Variants in ZNF730 observed in about 807,000 individuals in gnomAD.
ZNF730 encodes the protein zinc finger protein 730, also known as putative zinc finger protein 730.
Under a neutral mutation model 12.6 loss-of-function variants are expected in ZNF730, and 12 were observed. That is an observed-to-expected ratio of 0.95 (90% CI 0.61 to 1.54). ZNF730 has a LOEUF of 1.54. Among genes scored for constraint, ZNF730 ranks in the 40% most tolerant of loss-of-function variants. The pLI is 0.00. For missense variants in ZNF730, 643 were observed against 583.5 expected (o/e 1.10, Z -1.05); for synonymous variants, 194 against 195.8 (o/e 0.99, Z 0.08).
At chr19:23,080,622 G>T (rs538466252) in intron 1 of ZNF730, among the ~76,000 whole-genome samples, 19 of 151,974 alleles carry the variant, frequency 1.3e-4, no homozygotes, top group African/African-American at 4.6e-4. Context: ...TGATCCACCT[G>T]CCTCGGCCTC....
intron 1 of ZNF730, among the ~76,000 whole-genome samples, chr19:23,096,203 T>C (rs1300159797): frequency 2.0e-5 from 3 of 151,868 alleles, no homozygotes; most frequent in Admixed American, 6.6e-5. Flanking sequence ...CAAGGTACCG[T>C]GACATTGCTG....
chr19:23,107,607 G>T (rs1424391259), intron 1 of ZNF730, among the ~76,000 whole-genome samples: 1 of 151,646 alleles, frequency 6.6e-6, no homozygotes, highest in Non-Finnish European at 1.5e-5. Flanking sequence ...GGGATTACAG[G>T]CAGTGTATTA....
intron 1 of ZNF730, among the ~76,000 whole-genome samples, chr19:23,087,346 T>C (rs1220713868): frequency 3.9e-5 from 6 of 151,960 alleles, no homozygotes; most frequent in Non-Finnish European, 7.4e-5. Context: ...AGGCAGAGGT[T>C]GCAGTGAGTC....
chr19:23,101,971 GACT>G (rs1456810575), intron 1 of ZNF730, among the ~76,000 whole-genome samples: 1 of 152,150 alleles, frequency 6.6e-6, no homozygotes, highest in Non-Finnish European at 1.5e-5. Flanking sequence ...CAGGTTATGT[GACT>G]ACTTTTTTGC....
intron 3 of ZNF730, among the ~76,000 whole-genome samples, chr19:23,142,061 A>AAC (rs1970929707): frequency 6.6e-6 from 1 of 152,174 alleles, no homozygotes; most frequent in Non-Finnish European, 1.5e-5. Flanking sequence ...CACAGAAACA[A>AAC]ACACACACAC....
chr19:23,102,061 C>T (rs1284373398), intron 1 of ZNF730, among the ~76,000 whole-genome samples: 1 of 152,174 alleles, frequency 6.6e-6, no homozygotes, highest in African/African-American at 2.4e-5. Context: ...CTCCCTGGGC[C>T]TTGTCTACAG....
intron 1 of ZNF730, among the ~76,000 whole-genome samples, chr19:23,124,245 C>G (rs2145619365): frequency 6.6e-6 from 1 of 152,298 alleles, no homozygotes; most frequent in Non-Finnish European, 1.5e-5. Context: ...GCTGCATGTT[C>G]TACATTCTGT....
At chr19:23,113,778 G>A (rs59186246), upstream of ZNF730, among the ~76,000 whole-genome samples, 2,293 of 152,158 alleles carry the variant, frequency 0.015, 58 homozygotes, top group African/African-American at 0.052. Context: ...CCATAGTTCT[G>A]CTATTTCACA....
At chr19:23,132,961 C>T (rs751009028) in intron 1 of ZNF730, among the ~76,000 whole-genome samples, 12 of 151,510 alleles carry the variant, frequency 7.9e-5, no homozygotes, top group Non-Finnish European at 1.6e-4. Context: ...TGGAGGGCCA[C>T]TATTACAACA....
chr19:23,142,565 G>A (rs1046927573), intron 3 of ZNF730, among the ~76,000 whole-genome samples: 1 of 151,582 alleles, frequency 6.6e-6, no homozygotes, highest in Non-Finnish European at 1.5e-5. Flanking sequence ...GCGGGCGCCT[G>A]TAGTCCCAGC....
upstream of ZNF730, among the ~76,000 whole-genome samples, chr19:23,115,446 A>C (rs995176880): frequency 1.3e-5 from 2 of 152,204 alleles, no homozygotes; most frequent in African/African-American, 4.8e-5. Context: ...CCATTGAGAT[A>C]TGGAATCTGT....
rs552580965 is a variant in ZNF730, at chr19:23,135,519, T to A, written c.131-429T>A. 7.9e-5 allele frequency among the ~76,000 whole-genome samples: 12 copies of A among 152,114 alleles called. 1 individual carries two copies. The South Asian group carries it at 2.5e-3, about 32-fold the overall frequency. ...AGAAATTTCTTTTCTTTATTTTTTTTATTTTTTTGGAGACAGAGTCTCATT... is the reference window on the plus strand; with the variant it reads ...AGAAATTTCTTTTCTTTATTTTTTTAATTTTTTTGGAGACAGAGTCTCATT... On this transcript the variant is annotated intron_variant, in intron 2 of 3. Transcript: ENST00000597761.
upstream of ZNF730, among the ~76,000 whole-genome samples, chr19:23,115,070 A>G (rs1361226828): frequency 1.3e-5 from 2 of 152,046 alleles, no homozygotes; most frequent in African/African-American, 2.4e-5. Flanking sequence ...GTGAACCACC[A>G]TGTGCTTCTG....
Position 23,145,733 on chromosome 19 carries a change from G to A in ZNF730, c.689G>A (p.Cys230Tyr). 1 of 1,559,596 alleles carries A rather than the reference G, an allele frequency of 6.4e-7. No individual in the cohort carries two copies. Among genetic ancestry groups the A allele is most frequent in the Admixed American group, 1.9e-5 (1 of 51,840 alleles). ...ATTACTGAGAAAAAACCTTACAAAT[G>A]TAAAGAATGTGGCAAAGCCTTTAAC... ...KRITEKKPYKCKECGKAFNWF... is the reference protein window; with the variant it reads ...KRITEKKPYKYKECGKAFNWF... Residue 230 changes from cysteine to tyrosine, a missense_variant, in exon 4 of 4, where the codon TGT becomes TAT. By Grantham distance (194) the Cys-to-Tyr change is radical (BLOSUM62 -2). Coordinates refer to ENST00000597761, the MANE Select transcript of ZNF730 (RefSeq NM_001277403.2).
chr19:23,139,914 G>C (rs1056063611), intron 3 of ZNF730, among the ~76,000 whole-genome samples: 1 of 152,050 alleles, frequency 6.6e-6, no homozygotes, highest in Non-Finnish European at 1.5e-5. Context: ...TTCCATATCA[G>C]TGTGTTTTTT....
Position 23,146,954 on chromosome 19 carries a change from G to A in ZNF730, c.*398G>A, listed in dbSNP as rs1038886287. On this transcript the variant is annotated 3_prime_UTR_variant, in exon 4 of 4. Transcript: ENST00000597761. Reference sequence around the variant, plus strand: ...TTTTCCAGATGTCAAAGAAATGCTGGTGAGAAATTCTAGAAATATGAAGAA... The same window carrying A: ...TTTTCCAGATGTCAAAGAAATGCTGATGAGAAATTCTAGAAATATGAAGAA... 3 of 391,836 alleles carry A rather than the reference G, an allele frequency of 7.7e-6. No homozygotes were observed. Among genetic ancestry groups the A allele is most frequent in the Non-Finnish European group, 1.4e-5 (3 of 210,654 alleles). The allele number at this position is 391,836 out of a possible 1,614,324, so 24.3% of individuals were successfully genotyped here.
chr19:23,138,011 C>CT (rs1474429765), intron 3 of ZNF730, among the ~76,000 whole-genome samples: 165 of 15,890 alleles, frequency 0.01, no homozygotes, highest in East Asian at 0.026. Flanking sequence ...CGGCCGGGCG[C>CT]GGTGGCTCAC....
chr19:23,087,542 T>A lies in ZNF730; in HGVS notation c.-94+12155T>A, dbSNP rs891431516. ...ATGGCATATTCTCGATATAAGATTA[T>A]GTTATCTGCAAACAGGAATAGTTTG... On this transcript the variant is annotated intron_variant, in intron 1 of 2. Coordinates refer to the ZNF730 transcript ENST00000593635. Among the ~76,000 whole-genome samples, 25 of 152,304 alleles carry A rather than the reference T, an allele frequency of 1.6e-4. No individual in the cohort carries two copies. The East Asian group carries it at 4.8e-3, about 29-fold the overall frequency.
chr19:23,117,956 ACT>A (rs1412756165), intron 1 of ZNF730, among the ~76,000 whole-genome samples: 1 of 151,412 alleles, frequency 6.6e-6, no homozygotes, highest in East Asian at 1.9e-4. Flanking sequence ...CTATTTTCAC[ACT>A]CCACAGGAGA....
Sources: allele counts gnomAD v4.1 joint callset (sites outside exome capture counted in the v4.1 genomes callset), GRCh38; gene constraint gnomAD v4.1.1; transcripts MANE v1.5; gene names NCBI Gene and HGNC (gene_info 2026-07-23, HGNC 2026-07-21).